MTERF4: variants seen among roughly 807,000 people sequenced by gnomAD.
MTERF4 encodes the protein mitochondrial transcription termination factor 4, also known as transcription termination factor 4, mitochondrial.
Under a neutral mutation model 22.5 loss-of-function variants are expected in MTERF4, and 17 were observed. The ratio of observed to expected loss-of-function variants is 0.75; its 90% confidence interval spans 0.52 to 1.13. The LOEUF is 1.13. Among genes scored for constraint, MTERF4 ranks in the 50% most tolerant of loss-of-function variants. MTERF4 has a pLI of 0.00. For synonymous variants in MTERF4, 165 were observed against 175.3 expected (o/e 0.94, Z 0.47); for missense variants, 420 against 466.8 (o/e 0.90, Z 0.92).
At chr2:241,064,927 G>A in the MTERF4 span, 2 of 1,587,166 alleles carry the variant, frequency 1.3e-6, no homozygotes, top group Non-Finnish European at 8.5e-7. This position sits in a 1 kb window ranked among gnomAD's most constrained non-coding sequence, Gnocchi z 7.0. Context: ...CACCTGCAAA[G>A]TGGGCTACAC....
the MTERF4 span, chr2:241,063,785 T>C: frequency 2.8e-6 from 3 of 1,058,024 alleles, no homozygotes; most frequent in Non-Finnish European, 2.7e-6. Flanking sequence ...CCACATTCCC[T>C]GCTGGGCAGG....
At chr2:241,067,684 G>T, downstream of MTERF4, 2 of 1,267,760 alleles carry the variant, frequency 1.6e-6, no homozygotes, top group Non-Finnish European at 1.1e-6. Flanking sequence ...ACCCTCCCAA[G>T]CCTGGTTTCA....
chr2:241,073,166 C>A lies in MTERF4; in HGVS notation n.2996G>T. The A allele has an allele frequency of 1.2e-6, 1 of 838,508 alleles. No individual in the cohort carries two copies. Among genetic ancestry groups the A allele is most frequent in the Non-Finnish European group, 1.9e-6 (1 of 529,610 alleles). 51.9% of individuals were successfully genotyped at this position (838,508 alleles called of 1,614,324 possible). On this transcript the variant is annotated non_coding_transcript_exon_variant, in exon 5 of 5. Transcript: ENST00000464344. The surrounding 1 kb of genome is among the most constrained non-coding windows in gnomAD (Gnocchi z 6.6). The stretch of plus-strand genomic sequence containing the variant: ...GGAGCCTGGTCCCCACCAGGGACAT[C>A]CGTGCTCCCTGAGATATAGAAGCAC...
Position 241,099,488 on chromosome 2 carries a change from A to G in MTERF4, c.428T>C (p.Val143Ala), listed in dbSNP as rs1385433783. 1.9e-6 allele frequency: 3 copies of G among 1,614,208 alleles called. No homozygotes were observed. The Admixed American group carries it at 5.0e-5, about 27-fold the overall frequency. Residue 143 changes from valine to alanine, a missense_variant, in exon 2 of 4, where the codon GTG becomes GCG. By Grantham distance (64) the Val-to-Ala change is moderately conservative (BLOSUM62 0). Transcript: ENST00000391980. ...TAACTGGGGACTTTTCTTCAAGACCACACACACAGGCTCTGGATTCAGACC... is the reference window on the plus strand; with the variant it reads ...TAACTGGGGACTTTTCTTCAAGACCGCACACACAGGCTCTGGATTCAGACC... ...LLGLNPEPVC[V>A]VLKKSPQLLK...
the MTERF4 span, chr2:241,064,721 C>T: frequency 9.7e-5 from 64 of 660,132 alleles, no homozygotes; most frequent in South Asian, 1.1e-3. The surrounding 1 kb of genome is among the most constrained non-coding windows in gnomAD (Gnocchi z 7.0). Flanking sequence ...CAGTAGCTGT[C>T]CTGTGCCCCC....
At chr2:241,057,360 C>T in the MTERF4 span, among the ~76,000 whole-genome samples, 2,234 of 136,670 alleles carry the variant, frequency 0.016, 163 homozygotes, top group Admixed American at 0.12. Flanking sequence ...GCCTGGGCGA[C>T]GAGCAAAACT....
At chr2:241,092,754 GATCTTAGAC>G (rs2064118563), downstream of MTERF4, 1 of 152,202 alleles carries the variant, frequency 6.6e-6, no homozygotes. The surrounding 1 kb of genome is among the most constrained non-coding windows in gnomAD (Gnocchi z 4.6). Context: ...TAGTAAACAC[GATCTTAGAC>G]ATCCCCATCT....
In MTERF4 at chr2:241,095,972, CT is replaced by C. The variant is rs1423907545; in HGVS notation, c.*25del. The C allele has an allele frequency of 6.8e-6, 11 of 1,606,366 alleles. No homozygotes were observed. Among genetic ancestry groups the C allele is most frequent in the Non-Finnish European group, 8.5e-6 (10 of 1,175,292 alleles). Reference sequence around the variant, plus strand: ...AAAGCTTCCTTGATATCTCTGGGCCCTTTCGCTCTAGTCCTTCCATCACAGC... The same window carrying C: ...AAAGCTTCCTTGATATCTCTGGGCCCTTCGCTCTAGTCCTTCCATCACAGC... On this transcript the variant is annotated 3_prime_UTR_variant, in exon 4 of 4. Transcript: ENST00000391980.
chr2:241,044,229 T>C, the MTERF4 span, among the ~76,000 whole-genome samples: 1 of 152,072 alleles, frequency 6.6e-6, no homozygotes, highest in Admixed American at 6.5e-5. Context: ...AAATGTAAAA[T>C]GATTAAACAT....
downstream of MTERF4, among the ~76,000 whole-genome samples, chr2:241,071,063 G>A (rs139571310): frequency 1.6e-3 from 246 of 152,312 alleles, no homozygotes; most frequent in African/African-American, 5.5e-3. Flanking sequence ...GTGAGCCGGC[G>A]TCAGAGTGAG....
In MTERF4 at chr2:241,096,498, A is replaced by T. The variant is rs563037504; in HGVS notation, c.706-60T>A. The T allele has an allele frequency of 1.3e-6, 2 of 1,575,824 alleles. No individual in the cohort carries two copies. On this transcript the variant is annotated intron_variant, in intron 3 of 3. Coordinates refer to ENST00000391980, the MANE Select transcript of MTERF4 (RefSeq NM_182501.4). The surrounding 1 kb of genome is among the most constrained non-coding windows in gnomAD (Gnocchi z 5.1). The stretch of plus-strand genomic sequence containing the variant: ...ACAGAGTATTGAAACCTATCATTCT[A>T]TAAACCATAAAAACTTAAGTTGTAC...
chr2:241,044,408 C>A, the MTERF4 span, among the ~76,000 whole-genome samples: 1 of 152,220 alleles, frequency 6.6e-6, no homozygotes, highest in Non-Finnish European at 1.5e-5. Flanking sequence ...GTCTCTCCCC[C>A]ACTGAATACA....
the MTERF4 span, chr2:241,052,547 G>C: frequency 8.9e-7 from 1 of 1,128,696 alleles, no homozygotes; most frequent in Non-Finnish European, 1.3e-6. Flanking sequence ...CCCAAGCAGG[G>C]TACATGGGAT....
chr2:241,081,902 T>C, intron 4 of MTERF4: 1 of 822,080 alleles, frequency 1.2e-6, no homozygotes, highest in South Asian at 1.5e-5. Context: ...AACGATGAGG[T>C]GCCAGACAGG....
the MTERF4 span, chr2:241,053,463 T>G: frequency 4.6e-6 from 4 of 863,784 alleles, no homozygotes; most frequent in Admixed American, 1.2e-4. Context: ...CTCCCCTCAG[T>G]CTCCTGTCTG....
the MTERF4 span, chr2:241,051,875 G>A: frequency 2.2e-4 from 343 of 1,527,246 alleles, 1 homozygote; most frequent in African/African-American, 4.2e-3. This position sits in a 1 kb window ranked among gnomAD's most constrained non-coding sequence, Gnocchi z 4.7. Context: ...GGCCCCCAGG[G>A]GCAGGGGGGA....
the MTERF4 span, among the ~76,000 whole-genome samples, chr2:241,043,551 A>G: frequency 0.093 from 12,174 of 131,350 alleles, 890 homozygotes; most frequent in African/African-American, 0.22. Flanking sequence ...ACTGGTACCA[A>G]GGGAAAATCT....
chr2:241,071,651 C>T (rs550355310), downstream of MTERF4: 354 of 1,572,382 alleles, frequency 2.3e-4, no homozygotes, highest in Admixed American at 1.1e-3. Flanking sequence ...AGACCGCCCC[C>T]GGCGCGCCTG....
the MTERF4 span, among the ~76,000 whole-genome samples, chr2:241,044,080 C>T: frequency 0.19 from 29,318 of 151,798 alleles, 3,552 homozygotes; most frequent in African/African-American, 0.33. Flanking sequence ...GCTAATAAAC[C>T]AATTGTGGAG....
Sources: gnomAD v4.1 joint callset for allele counts (sites outside exome capture counted in the v4.1 genomes callset) on GRCh38, gnomAD v4.1.1 for gene constraint, Gnocchi (gnomAD v3.1) non-coding constraint, MANE v1.5 for transcripts, NCBI Gene and HGNC (gene_info 2026-07-23, HGNC 2026-07-21) for gene names.